Variants in NAXD observed in about 807,000 individuals in gnomAD.
NAXD encodes ATP-dependent (S)-NAD(P)H-hydrate dehydratase.
A neutral mutation model predicts 35.8 loss-of-function variants in NAXD; 22 were observed. That is an observed-to-expected ratio of 0.62 (90% CI 0.44 to 0.88). NAXD has a LOEUF of 0.88. NAXD is among the 40% of genes least tolerant of loss of function. The pLI is 0.00. For missense variants in NAXD, 428 were observed against 437.7 expected (o/e 0.98, Z 0.20); for synonymous variants, 189 against 177.6 (o/e 1.06, Z -0.51).
At position 110,622,281 on chromosome 13, in the gene NAXD, CT is replaced by C. The variant is rs1886298667; in HGVS notation, c.113del (p.Leu38ArgfsTer2). 2 of 1,613,962 alleles carry C rather than the reference CT, an allele frequency of 1.2e-6. No homozygotes were observed. Among genetic ancestry groups the C allele is most frequent in the Admixed American group, 3.3e-5 (2 of 59,998 alleles). The part of the protein sequence containing the change: ...SIKDMENTLQ[L>X]VRNIIPPLSS... ...AAAGGATATGGAAAATACTTTGCAG[CT>C]GGTGAGAAATATCATACCTCCTCTG... On this transcript the variant is annotated frameshift_variant, in exon 2 of 10. Transcript: ENST00000680254. LOFTEE classifies it high-confidence loss of function.
At chr13:110,622,577 A>G (rs1397533514) in intron 2 of NAXD, among the ~76,000 whole-genome samples, 16 of 152,208 alleles carry the variant, frequency 1.1e-4, no homozygotes, top group Admixed American at 1.0e-3. Flanking sequence ...CATGTGTGTC[A>G]GTGTTAAGTT....
At chr13:110,617,357 T>C (rs1594165604) in intron 1 of NAXD, among the ~76,000 whole-genome samples, 1 of 152,234 alleles carries the variant, frequency 6.6e-6, no homozygotes. Flanking sequence ...GACTCAGAAT[T>C]GTCTGAAGAG....
chr13:110,639,236 GGT>G lies in NAXD; in HGVS notation c.*711_*712del, dbSNP rs1887073438. The G allele has an allele frequency of 6.4e-6, 1 of 157,002 alleles. No homozygotes were observed. Among genetic ancestry groups the G allele is most frequent in the South Asian group, 1.9e-4 (1 of 5,296 alleles). The allele number at this position is 157,002 out of a possible 1,614,324, so 9.7% of individuals were successfully genotyped here. A position where few individuals can be genotyped will look rare whatever the true frequency, so the allele number is the denominator to read the frequency against. On this transcript the variant is annotated 3_prime_UTR_variant, in exon 10 of 10. Transcript: ENST00000680254. ...AGACGCCTCCTGTCCCACGCTCTCC[GGT>G]GTCCGTGTCTACACAGGGGTCCCCA...
chr13:110,625,112 C>T (rs1886414861), intron 3 of NAXD, 78 bp from the exon 4 acceptor site: 4 of 1,029,460 alleles, frequency 3.9e-6, no homozygotes, highest in African/African-American at 1.6e-5. Flanking sequence ...GAGTAATGAG[C>T]GCTGGACGCC....
chr13:110,622,201 T>C lies in NAXD; in HGVS notation c.47-15T>C, dbSNP rs1886293980. The C allele has an allele frequency of 1.9e-6, 3 of 1,603,844 alleles. No individual in the cohort carries two copies. Among genetic ancestry groups the C allele is most frequent in the Middle Eastern group, 1.7e-4 (1 of 6,030 alleles). The stretch of plus-strand genomic sequence containing the variant: ...TGTTTACCTTTCTGAATTATTCATT[T>C]TTCTTGTCTTTCAGTTTTAGAAAGA... On this transcript the variant is annotated splice_polypyrimidine_tract_variant and intron_variant, in intron 1 of 9. Transcript: ENST00000680254.
chr13:110,618,754 A>T (rs1886152575), intron 1 of NAXD, among the ~76,000 whole-genome samples: 1 of 91,310 alleles, frequency 1.1e-5, no homozygotes. Flanking sequence ...GAATAACAAC[A>T]AAAATCAGTA....
chr13:110,618,890 A>T (rs1253234715), intron 1 of NAXD, among the ~76,000 whole-genome samples: 2 of 152,214 alleles, frequency 1.3e-5, no homozygotes, highest in Non-Finnish European at 2.9e-5. Flanking sequence ...CTTTCAGCAG[A>T]GTGTGACGCA....
At position 110,635,561 on chromosome 13, in the gene NAXD, C is replaced by T. The variant is rs376240618; in HGVS notation, c.691C>T (p.Arg231Cys). 19 of 1,613,896 alleles carry T rather than the reference C, an allele frequency of 1.2e-5. No homozygotes were observed. Among genetic ancestry groups the T allele is most frequent in the African/African-American group, 9.3e-5 (7 of 74,914 alleles). The change falls in exon 8 of 10, where the codon CGC (arginine) becomes TGC (cysteine). Residue 231 changes from arginine to cysteine, a missense_variant. By Grantham distance (180) the Arg-to-Cys change is radical (BLOSUM62 -3). Transcript: ENST00000680254. ...GNVTVVQKGERDILSNGQQVL... is the reference protein window; with the variant it reads ...GNVTVVQKGECDILSNGQQVL... ...CGTGACGGTGGTCCAGAAAGGAGAG[C>T]GCGACATCCTCTCCAACGGCCAGCA...
At chr13:110,627,994 C>G (rs1002405680) in intron 5 of NAXD, among the ~76,000 whole-genome samples, 1 of 152,202 alleles carries the variant, frequency 6.6e-6, no homozygotes, top group African/African-American at 2.4e-5. Context: ...TGAGGTGACA[C>G]GGGCCTGCTT....
chr13:110,622,664 A>G (rs948610939), intron 2 of NAXD, among the ~76,000 whole-genome samples: 1 of 152,162 alleles, frequency 6.6e-6, no homozygotes, highest in Non-Finnish European at 1.5e-5. Flanking sequence ...TACCACAAGC[A>G]TGTTTTTTGT....
upstream of NAXD, chr13:110,615,494 C>T (rs1341718092): frequency 2.8e-6 from 3 of 1,057,574 alleles, no homozygotes; most frequent in Non-Finnish European, 3.8e-6. Flanking sequence ...GAGTTGGGAT[C>T]CCACTGCCGA....
chr13:110,623,278 G>A (rs1237823500), intron 2 of NAXD, among the ~76,000 whole-genome samples: 3 of 152,178 alleles, frequency 2.0e-5, no homozygotes, highest in Non-Finnish European at 4.4e-5. Flanking sequence ...ATGGGTATCA[G>A]CATTTGCCCA....
chr13:110,634,402 G>A, intron 5 of NAXD, 143 bp from the exon 6 acceptor site: 2 of 800,770 alleles, frequency 2.5e-6, no homozygotes, highest in East Asian at 2.6e-5. Flanking sequence ...CAACCCATGA[G>A]GACACTGCCA....
intron 4 of NAXD, 50 bp from the exon 5 acceptor site, chr13:110,627,389 G>A: frequency 2.6e-6 from 3 of 1,171,864 alleles, no homozygotes; most frequent in Non-Finnish European, 3.8e-6. Flanking sequence ...ATGACAGTAA[G>A]TAAATGAGGA....
Position 110,615,651 on chromosome 13 carries a change from AG to A in NAXD, c.46+6del, listed in dbSNP as rs780121093. The stretch of plus-strand genomic sequence containing the variant: ...GCAATCCGGGCTTGCAGACGAGGTA[AG>A]GTCGATTCCATTTGGCCCGGGGATG... On this transcript the variant is annotated splice_donor_5th_base_variant and intron_variant, in intron 1 of 9. Coordinates refer to ENST00000680254, the MANE Select transcript of NAXD (RefSeq NM_001242882.2). The A allele has an allele frequency of 1.7e-5, 25 of 1,507,140 alleles. No homozygotes were observed. The South Asian group carries it at 1.8e-4, about 11-fold the overall frequency. 93.4% of individuals were successfully genotyped at this position (1,507,140 alleles called of 1,614,324 possible).
At chr13:110,622,464 TC>T (rs1408663586) in intron 2 of NAXD, 98 bp downstream of exon 2, 2 of 1,261,216 alleles carry the variant, frequency 1.6e-6, no homozygotes, top group Non-Finnish European at 2.2e-6. Flanking sequence ...ACCTCAGTAA[TC>T]ATTTCCAAAT....
chr13:110,615,760 C>T (rs1886024910), intron 1 of NAXD, 113 bp downstream of exon 1: 1 of 1,423,404 alleles, frequency 7.0e-7, no homozygotes, highest in Non-Finnish European at 9.2e-7. Flanking sequence ...CTGTACGGGC[C>T]GCCACTGGAC....
chr13:110,620,666 A>G (rs1161160251), intron 1 of NAXD, among the ~76,000 whole-genome samples: 3 of 152,252 alleles, frequency 2.0e-5, no homozygotes, highest in African/African-American at 7.2e-5. Context: ...TCTATCAGCT[A>G]AGGCAGTTAC....
Position 110,634,715 on chromosome 13 carries a change from G to C in NAXD, c.536G>C (p.Gly179Ala), listed in dbSNP as rs1226971641. ...GCTCAGCAGCCGGCCCTCATCCATG[G>C]CTACCGGAAGGCTGTGCTCACTCCC... ...LVAQQPALIHGYRKAVLTPNH... is the reference protein window; with the variant it reads ...LVAQQPALIHAYRKAVLTPNH... Residue 179 changes from glycine to alanine, a missense_variant, in exon 7 of 10, where the codon GGC becomes GCC. Coordinates refer to ENST00000680254, the MANE Select transcript of NAXD (RefSeq NM_001242882.2). The C allele has an allele frequency of 1.2e-6, 2 of 1,614,014 alleles. No homozygotes were observed. The highest frequency in any genetic ancestry group is 3.3e-5 in the Admixed American group (2 of 60,000).
Sources: allele counts gnomAD v4.1 joint callset (sites outside exome capture counted in the v4.1 genomes callset), GRCh38; gene constraint gnomAD v4.1.1; transcripts MANE v1.5; gene names NCBI Gene and HGNC (gene_info 2026-07-23, HGNC 2026-07-21).